The following KAZN variants were observed in gnomAD, a reference collection of about 807,000 sequenced individuals.
KAZN encodes the protein kazrin, periplakin interacting protein.
Under a neutral mutation model 87.4 loss-of-function variants are expected in KAZN, and 40 were observed. The observed-to-expected ratio is 0.46, with a 90% confidence interval of 0.36 to 0.60. KAZN has a LOEUF of 0.60. KAZN is among the 20% of genes least tolerant of loss of function. The pLI, the probability that KAZN is intolerant of heterozygous loss-of-function variation, is 0.00. For synonymous variants in KAZN, 466 were observed against 458.3 expected (o/e 1.02, Z -0.22); for missense variants, 898 against 1,073.9 (o/e 0.84, Z 2.29).
intron 1 of KAZN, among the ~76,000 whole-genome samples, chr1:13,942,886 C>A (rs1427045870): frequency 6.6e-6 from 1 of 152,048 alleles, no homozygotes; most frequent in Non-Finnish European, 1.5e-5. Flanking sequence ...AGATTAGACA[C>A]AACAGCAAAG....
rs1646260385 is a variant in KAZN, at chr1:14,184,337, T to C, written c.249+3745T>C. Among the ~76,000 whole-genome samples, 1 of 152,146 alleles carries C rather than the reference T, an allele frequency of 6.6e-6. No homozygotes were observed. Among genetic ancestry groups the C allele is most frequent in the Non-Finnish European group, 1.5e-5 (1 of 68,016 alleles). Reference sequence around the variant, plus strand: ...CTCCCTCCCTCGCCTTCTCTTCTTTTGGTTGGCAAAATAAATGTTAGCTGA... The same window carrying C: ...CTCCCTCCCTCGCCTTCTCTTCTTTCGGTTGGCAAAATAAATGTTAGCTGA... On this transcript the variant is annotated intron_variant, in intron 2 of 16. Coordinates refer to the KAZN transcript ENST00000636203. The surrounding 1 kb of genome is among the most constrained non-coding windows in gnomAD (Gnocchi z 4.2).
intron 1 of KAZN, among the ~76,000 whole-genome samples, chr1:13,923,339 T>C (rs1220729751): frequency 2.0e-5 from 3 of 151,552 alleles, no homozygotes. Context: ...TTTGGGAGGC[T>C]GAGGTGGGCA....
intron 1 of KAZN, among the ~76,000 whole-genome samples, chr1:14,046,779 G>A (rs949309465): frequency 1.3e-5 from 2 of 152,220 alleles, no homozygotes; most frequent in Non-Finnish European, 2.9e-5. Context: ...CTTGGCTCTT[G>A]CTTCTCTCAA....
intron 2 of KAZN, among the ~76,000 whole-genome samples, chr1:14,265,866 T>G (rs542325251): frequency 6.6e-6 from 1 of 152,294 alleles, no homozygotes; most frequent in South Asian, 2.1e-4. Flanking sequence ...CATTTCCATC[T>G]CTCATTGAAC....
chr1:14,465,385 C>G (rs1044270448), intron 2 of KAZN, among the ~76,000 whole-genome samples: 3 of 115,390 alleles, frequency 2.6e-5, no homozygotes, highest in African/African-American at 1.0e-4. Context: ...GGCAACAGAG[C>G]GAGACTCTGT....
chr1:14,548,193 C>T lies in KAZN; in HGVS notation c.250-50790C>T, dbSNP rs192689163. On this transcript the variant is annotated intron_variant, in intron 2 of 16. Transcript: ENST00000636203. ...AAGCTTTTTCAATGCTTTTCCTCTT[C>T]GTGCATTTTTTTTTTTTTTTTTTGA... 2.7e-3 allele frequency among the ~76,000 whole-genome samples: 396 copies of T among 149,306 alleles called. 2 individuals are homozygous for T. Among genetic ancestry groups the T allele is most frequent in the African/African-American group, 9.4e-3 (381 of 40,382 alleles).
At chr1:14,790,041 T>C (rs1393449436) in intron 1 of KAZN, among the ~76,000 whole-genome samples, 1 of 152,058 alleles carries the variant, frequency 6.6e-6, no homozygotes, top group African/African-American at 2.4e-5. Flanking sequence ...TCACTCTTGT[T>C]GCCCAGGCTG....
chr1:14,414,697 C>T (rs1300077225), intron 2 of KAZN, among the ~76,000 whole-genome samples: 1 of 152,048 alleles, frequency 6.6e-6, no homozygotes, highest in Non-Finnish European at 1.5e-5. Flanking sequence ...AAACATCAAT[C>T]CCTCTGGGAG....
At chr1:14,928,727 G>C (rs906040532) in intron 1 of KAZN, among the ~76,000 whole-genome samples, 1 of 152,182 alleles carries the variant, frequency 6.6e-6, no homozygotes, top group African/African-American at 2.4e-5. Context: ...GGACCCATTG[G>C]TGGGTTTCGT....
At chr1:15,065,895 G>C (rs558715713) in intron 8 of KAZN, 142 bp downstream of exon 8, 1 of 1,482,524 alleles carries the variant, frequency 6.7e-7, no homozygotes, top group Non-Finnish European at 8.9e-7. Flanking sequence ...CGTGGGGTGC[G>C]TGTGCACGTG....
intron 1 of KAZN, among the ~76,000 whole-genome samples, chr1:14,690,922 C>G (rs1298000860): frequency 6.6e-6 from 1 of 152,090 alleles, no homozygotes; most frequent in Non-Finnish European, 1.5e-5. Flanking sequence ...TCTTATTCTT[C>G]CTAATTTTGC....
intron 1 of KAZN, among the ~76,000 whole-genome samples, chr1:13,896,511 T>C (rs968624584): frequency 2.6e-5 from 4 of 152,166 alleles, no homozygotes; most frequent in Non-Finnish European, 5.9e-5. Flanking sequence ...AGGCTGGTCT[T>C]GAACTCCTGG....
At chr1:15,028,518 A>G (rs1671391192) in intron 2 of KAZN, among the ~76,000 whole-genome samples, 1 of 152,218 alleles carries the variant, frequency 6.6e-6, no homozygotes, top group Non-Finnish European at 1.5e-5. Flanking sequence ...GAAGAAAGGA[A>G]GAGTTCCATT....
At chr1:14,355,801 G>C (rs999377151) in intron 2 of KAZN, among the ~76,000 whole-genome samples, 3 of 152,178 alleles carry the variant, frequency 2.0e-5, no homozygotes, top group East Asian at 1.9e-4. Flanking sequence ...TGGTGTATAT[G>C]TGCCACATTT....
At chr1:14,346,734 C>T (rs1464802433) in intron 2 of KAZN, among the ~76,000 whole-genome samples, 3 of 152,098 alleles carry the variant, frequency 2.0e-5, no homozygotes, top group South Asian at 2.1e-4. Flanking sequence ...AAGTTGTTCA[C>T]CCTATTAGAT....
intron 1 of KAZN, among the ~76,000 whole-genome samples, chr1:14,177,795 T>TGTGTGTGTGG (rs1491301219): frequency 6.9e-5 from 5 of 72,278 alleles, no homozygotes; most frequent in African/African-American, 4.6e-4. Context: ...TGTGTGTGTG[T>TGTGTGTGTGG]TTTTTTTTTT....
At chr1:14,796,991 A>G (rs1645847811) in intron 1 of KAZN, among the ~76,000 whole-genome samples, 1 of 152,224 alleles carries the variant, frequency 6.6e-6, no homozygotes, top group Non-Finnish European at 1.5e-5. Context: ...TTGATGTATC[A>G]TTTGGTGGCC....
chr1:14,339,870 C>T (rs1189656590), intron 2 of KAZN, among the ~76,000 whole-genome samples: 1 of 152,140 alleles, frequency 6.6e-6, no homozygotes, highest in Non-Finnish European at 1.5e-5. Context: ...GAAAATACAG[C>T]CTTTCCCCCT....
intron 1 of KAZN, among the ~76,000 whole-genome samples, chr1:14,601,850 C>A (rs868557665): frequency 6.6e-6 from 1 of 152,152 alleles, no homozygotes; most frequent in Non-Finnish European, 1.5e-5. Context: ...AAAATGCAAC[C>A]GTGTAAGTCA....
Sources: gnomAD v4.1 joint callset for allele counts (sites outside exome capture counted in the v4.1 genomes callset) on GRCh38, gnomAD v4.1.1 for gene constraint, Gnocchi (gnomAD v3.1) non-coding constraint, MANE v1.5 for transcripts, NCBI Gene and HGNC (gene_info 2026-07-23, HGNC 2026-07-21) for gene names.